Variants in NRCAM observed in about 807,000 individuals in gnomAD.
NRCAM encodes the protein NgCAM-related cell adhesion molecule.
A neutral mutation model predicts 156.5 loss-of-function variants in NRCAM; 83 were observed. The ratio of observed to expected loss-of-function variants is 0.53; its 90% CI spans 0.44 to 0.64. NRCAM has a LOEUF of 0.64. NRCAM is among the 30% of genes least tolerant of loss of function. The pLI, the probability that NRCAM is intolerant of heterozygous loss-of-function variation, is 0.00. For missense variants in NRCAM, 1,417 were observed against 1,597.3 expected (o/e 0.89, Z 1.92); for synonymous variants, 538 against 563.9 (o/e 0.95, Z 0.65).
chr7:108,446,656 C>A (rs993811680), intron 1 of NRCAM, among the ~76,000 whole-genome samples: 1 of 152,118 alleles, frequency 6.6e-6, no homozygotes, highest in East Asian at 1.9e-4. Flanking sequence ...GCAGACTCGG[C>A]CCCTCAATGT....
chr7:108,282,147 A>G (rs2097884258), intron 3 of NRCAM, among the ~76,000 whole-genome samples: 2 of 152,256 alleles, frequency 1.3e-5, no homozygotes, highest in Non-Finnish European at 2.9e-5. Context: ...AACAAAGTAC[A>G]GTATAAAGAA....
chr7:108,270,368 TG>T (rs1337934868), intron 3 of NRCAM, among the ~76,000 whole-genome samples: 3 of 152,202 alleles, frequency 2.0e-5, no homozygotes, highest in African/African-American at 4.8e-5. Context: ...TCCCTTCTTG[TG>T]GAGGCTTAAT....
chr7:108,301,994 C>G (rs2098630285), intron 3 of NRCAM, among the ~76,000 whole-genome samples: 1 of 151,624 alleles, frequency 6.6e-6, no homozygotes, highest in Non-Finnish European at 1.5e-5. Context: ...ACAGAAATAT[C>G]ACCTTAAACA....
chr7:108,160,022 T>G (rs890495595), intron 31 of NRCAM, among the ~76,000 whole-genome samples: 2 of 152,150 alleles, frequency 1.3e-5, no homozygotes, highest in Non-Finnish European at 2.9e-5. Flanking sequence ...ATGCATTACT[T>G]CCTTTGAAAA....
At chr7:108,366,872 T>C (rs2099594921) in intron 2 of NRCAM, among the ~76,000 whole-genome samples, 1 of 152,260 alleles carries the variant, frequency 6.6e-6, no homozygotes, top group South Asian at 2.1e-4. Context: ...GCTTGGGCGA[T>C]GCTTAAGTAA....
intron 3 of NRCAM, chr7:108,243,056 C>T (rs77533849): frequency 6.6e-6 from 1 of 152,146 alleles, no homozygotes; most frequent in African/African-American, 2.4e-5. Flanking sequence ...CTTAAAGAGA[C>T]ATGAGTTAAT....
Position 108,149,240 on chromosome 7 carries a change from A to G in NRCAM, c.*670T>C, listed in dbSNP as rs540175503. ...ATAGAAATGATGTAAAAAGTAGAAC[A>G]CTGTGCTGCTGTAATGCCTGGAAGA... On this transcript the variant is annotated 3_prime_UTR_variant, in exon 33 of 33. Transcript: ENST00000379028. The G allele has an allele frequency of 6.5e-6, 1 of 152,782 alleles. No individual in the cohort carries two copies. The highest frequency in any genetic ancestry group is 2.4e-5 in the African/African-American group (1 of 41,588). 9.5% of individuals were successfully genotyped at this position (152,782 alleles called of 1,614,324 possible).
chr7:108,337,965 T>C (rs188460263), intron 2 of NRCAM, among the ~76,000 whole-genome samples: 6 of 152,326 alleles, frequency 3.9e-5, no homozygotes, highest in Non-Finnish European at 4.4e-5. Context: ...TAAAAACGAT[T>C]AGCGTGGCCT....
At chr7:108,179,484 T>C (rs2062358440) in intron 25 of NRCAM, among the ~76,000 whole-genome samples, 1 of 152,224 alleles carries the variant, frequency 6.6e-6, no homozygotes. Flanking sequence ...CATAGTGGCA[T>C]ATTGTTGCAA....
intron 2 of NRCAM, among the ~76,000 whole-genome samples, chr7:108,380,302 C>T (rs2099695386): frequency 6.6e-6 from 1 of 151,822 alleles, no homozygotes; most frequent in Admixed American, 6.6e-5. Context: ...AGGAGTTTAC[C>T]TATTATTTTC....
Position 108,232,390 on chromosome 7 carries a change from A to C in NRCAM, c.363T>G (p.Tyr121Ter). 1 of 1,613,652 alleles carries C rather than the reference A, an allele frequency of 6.2e-7. No individual in the cohort carries two copies. Residue 121 changes from tyrosine (Y) to a stop codon, truncating the protein, a stop_gained, in exon 7 of 33, where the codon TAT becomes TAG. Transcript: ENST00000379028. LOFTEE classifies it high-confidence loss of function. ...CGCGTTCGTTCCTTGCTGTACACTG[A>C]TAGACTCCTTCATAGGTCTCAGCTT... ...EGKAETYEGV[Y>*]QCTARNERGA...
chr7:108,300,036 G>C (rs900505110), intron 3 of NRCAM, among the ~76,000 whole-genome samples: 1 of 152,064 alleles, frequency 6.6e-6, no homozygotes, highest in Non-Finnish European at 1.5e-5. Flanking sequence ...TCAATAAATG[G>C]TGACTGCTTT....
At chr7:108,236,044 T>C (rs1283082224) in intron 5 of NRCAM, among the ~76,000 whole-genome samples, 1 of 152,154 alleles carries the variant, frequency 6.6e-6, no homozygotes, top group Non-Finnish European at 1.5e-5. Context: ...GATCTTCCCT[T>C]TCCTCTCTGC....
At chr7:108,392,758 C>T (rs145288536) in intron 2 of NRCAM, among the ~76,000 whole-genome samples, 1,712 of 152,222 alleles carry the variant, frequency 0.011, 32 homozygotes, top group African/African-American at 0.037. Context: ...GTGTGGATGT[C>T]GTTTCTGTTT....
chr7:108,455,427 G>A (rs1377460666), intron 1 of NRCAM, among the ~76,000 whole-genome samples: 2 of 152,172 alleles, frequency 1.3e-5, no homozygotes, highest in Non-Finnish European at 2.9e-5. Flanking sequence ...ACCGCTAAGA[G>A]CCTGGGCTGG....
chr7:108,383,266 T>G (rs1449404045), intron 2 of NRCAM, among the ~76,000 whole-genome samples: 2 of 152,228 alleles, frequency 1.3e-5, no homozygotes, highest in African/African-American at 4.8e-5. Context: ...TTGGGAGTTA[T>G]TTTCACTTCA....
chr7:108,195,914 T>A (rs1361773631), intron 14 of NRCAM, 42 bp from the exon 15 acceptor site: 1 of 1,209,390 alleles, frequency 8.3e-7, no homozygotes, highest in East Asian at 2.5e-5. Context: ...TTAGAATACA[T>A]TTTAGGACTA....
intron 11 of NRCAM, among the ~76,000 whole-genome samples, chr7:108,219,696 T>A (rs1294627208): frequency 6.6e-6 from 1 of 152,144 alleles, no homozygotes; most frequent in Non-Finnish European, 1.5e-5. Context: ...GTAATGAACA[T>A]ACCTCAATGT....
At chr7:108,186,272 A>G (rs960041956) in intron 20 of NRCAM, among the ~76,000 whole-genome samples, 3 of 152,330 alleles carry the variant, frequency 2.0e-5, no homozygotes, top group Admixed American at 6.5e-5. Flanking sequence ...TTACATCTGT[A>G]GCCCAGACCT....
Sources: allele counts gnomAD v4.1 joint callset (sites outside exome capture counted in the v4.1 genomes callset), GRCh38; gene constraint gnomAD v4.1.1; transcripts MANE v1.5; gene names NCBI Gene and HGNC (gene_info 2026-07-23, HGNC 2026-07-21).